SMIM7: variants seen among roughly 807,000 people sequenced by gnomAD.
SMIM7 encodes the protein UPF0608 protein C19orf42.
Under a neutral mutation model 13.3 loss-of-function variants are expected in SMIM7, and 12 were observed. That is an observed-to-expected ratio of 0.90 (90% CI 0.58 to 1.46). The LOEUF is 1.46. SMIM7 is among the 40% of genes most tolerant of loss of function. The pLI, the probability that SMIM7 is intolerant of heterozygous loss-of-function variation, is 0.00. For missense variants in SMIM7, 114 were observed against 94.8 expected (o/e 1.20, Z -0.84); for synonymous variants, 36 against 35.8 (o/e 1.01, Z -0.02).
intron 4 of SMIM7, among the ~76,000 whole-genome samples, chr19:16,649,726 A>C (rs564354185): frequency 4.6e-4 from 70 of 152,310 alleles, no homozygotes; most frequent in African/African-American, 1.6e-3. Flanking sequence ...CAAACATTTC[A>C]ACTGTCCACC....
chr19:16,636,723 G>A (rs1196666031), intron 4 of SMIM7, among the ~76,000 whole-genome samples: 1 of 152,166 alleles, frequency 6.6e-6, no homozygotes, highest in African/African-American at 2.4e-5. Flanking sequence ...AGGCTGAGGT[G>A]GGAGGACTGC....
chr19:16,634,636 G>A (rs1323975525), intron 4 of SMIM7: 1 of 151,936 alleles, frequency 6.6e-6, no homozygotes, highest in African/African-American at 2.4e-5. Flanking sequence ...AAATTAGGGA[G>A]GTGTGGTGGT....
chr19:16,633,747 T>G (rs1445992341), intron 4 of SMIM7: 1 of 152,096 alleles, frequency 6.6e-6, no homozygotes, highest in Non-Finnish European at 1.5e-5. Context: ...AAGCCACTAT[T>G]GATGGAGAAA....
chr19:16,659,862 T>C, intron 2 of SMIM7, 97 bp downstream of exon 2: 8 of 1,485,590 alleles, frequency 5.4e-6, no homozygotes, highest in Non-Finnish European at 7.2e-6. Context: ...GCCTGCGGCT[T>C]GGGGGCGGGG....
At chr19:16,650,015 T>C (rs970753821) in intron 4 of SMIM7, among the ~76,000 whole-genome samples, 1 of 152,154 alleles carries the variant, frequency 6.6e-6, no homozygotes, top group African/African-American at 2.4e-5. Context: ...TTTCTTTCTG[T>C]GTTGATGAAA....
At chr19:16,639,292 T>C (rs527719785) in intron 4 of SMIM7, among the ~76,000 whole-genome samples, 1 of 151,912 alleles carries the variant, frequency 6.6e-6, no homozygotes, top group South Asian at 2.1e-4. Context: ...CCGGCTAATT[T>C]TTTGTATTTT....
At chr19:16,639,163 C>G (rs1475612613) in intron 4 of SMIM7, among the ~76,000 whole-genome samples, 1 of 150,572 alleles carries the variant, frequency 6.6e-6, no homozygotes, top group African/African-American at 2.5e-5. Flanking sequence ...GCTCTGTCGC[C>G]CAGGCTGGAG....
chr19:16,659,795 G>C (rs1476622235), intron 2 of SMIM7, 164 bp downstream of exon 2: 5 of 874,046 alleles, frequency 5.7e-6, no homozygotes, highest in African/African-American at 1.7e-5. Flanking sequence ...CTCGGGGGGT[G>C]GGGGGCGAGG....
Position 16,633,254 on chromosome 19 carries a change from C to T in SMIM7, c.*138-1530G>A, listed in dbSNP as rs185461680. Among the ~76,000 whole-genome samples the T allele has an allele frequency of 4.6e-5, 7 of 151,620 alleles. No individual in the cohort carries two copies. In the East Asian group the frequency reaches 5.9e-4, roughly 13 times the overall value. The stretch of plus-strand genomic sequence containing the variant: ...GATGGATCACCTGAGGTCAGGAGTT[C>T]GAGACCAGCCTGGCTAACATGATGA... On this transcript the variant is annotated intron_variant and NMD_transcript_variant, in intron 4 of 4. Transcript: ENST00000465250.
intron 4 of SMIM7, chr19:16,653,685 G>T: frequency 4.0e-6 from 1 of 247,420 alleles, no homozygotes; most frequent in Non-Finnish European, 7.7e-6. Context: ...CACAAGGTCA[G>T]GAGATCAAGA....
chr19:16,652,085 G>A (rs952715094), intron 4 of SMIM7, among the ~76,000 whole-genome samples: 4 of 143,496 alleles, frequency 2.8e-5, no homozygotes, highest in Non-Finnish European at 6.1e-5. Flanking sequence ...ACGAGAATGA[G>A]GGAAGAATGC....
intron 4 of SMIM7, among the ~76,000 whole-genome samples, chr19:16,649,472 C>T (rs2086491510): frequency 2.0e-5 from 3 of 152,052 alleles, no homozygotes; most frequent in Admixed American, 6.6e-5. Context: ...ACTCAGGAGG[C>T]TGAGGCAGGA....
intron 4 of SMIM7, among the ~76,000 whole-genome samples, chr19:16,637,581 C>G (rs2086368837): frequency 6.6e-6 from 1 of 152,206 alleles, no homozygotes; most frequent in South Asian, 2.1e-4. Flanking sequence ...AAAAACACCC[C>G]CAAGGGATTT....
At chr19:16,639,344 G>A (rs182972219) in intron 4 of SMIM7, among the ~76,000 whole-genome samples, 4 of 151,910 alleles carry the variant, frequency 2.6e-5, no homozygotes, top group Non-Finnish European at 4.4e-5. Context: ...GGATGGTCTC[G>A]ATCTCCTGAC....
In SMIM7 at chr19:16,659,859, G is replaced by A. The variant is rs1170326346; in HGVS notation, c.68+100C>T. 1.4e-5 allele frequency: 21 copies of A among 1,486,724 alleles called. No individual in the cohort carries two copies. In the Admixed American group the frequency reaches 4.1e-4, roughly 29 times the overall value. The allele number at this position is 1,486,724 out of a possible 1,614,324, so 92.1% of individuals were successfully genotyped here. A position where few individuals can be genotyped will look rare whatever the true frequency, so the allele number is the denominator to read the frequency against. ...GAGGGCGGATAGGGCGGGGCCTGCGGCTTGGGGGCGGGGCCTGAGAAGTGC... is the reference window on the plus strand; with the variant it reads ...GAGGGCGGATAGGGCGGGGCCTGCGACTTGGGGGCGGGGCCTGAGAAGTGC... On this transcript the variant is annotated intron_variant, in intron 2 of 4. Coordinates refer to ENST00000487416, the MANE Select transcript of SMIM7 (RefSeq NM_024104.4).
chr19:16,654,359 G>A (rs940049259), intron 3 of SMIM7, among the ~76,000 whole-genome samples: 1 of 152,070 alleles, frequency 6.6e-6, no homozygotes, highest in Non-Finnish European at 1.5e-5. Context: ...GCTCAAGAAG[G>A]GGCATGTGAC....
rs571019127 is a variant in SMIM7 at position 16,650,709 on chromosome 19, C to CAAA, written c.212+3323_212+3325dup. On this transcript the variant is annotated intron_variant, in intron 4 of 4. Transcript: ENST00000487416. Reference sequence around the variant, plus strand: ...TGGGTGACAGAGCAAGACTCCACCTCAAAAAAAAAAAAAAAAAGAAGAAAT... The same window carrying CAAA: ...TGGGTGACAGAGCAAGACTCCACCTCAAAAAAAAAAAAAAAAAAAAGAAGAAAT... 8.1e-5 allele frequency among the ~76,000 whole-genome samples: 8 copies of CAAA among 98,182 alleles called. No individual in the cohort carries two copies. In the South Asian group the frequency reaches 1.0e-3, roughly 12 times the overall value. 64.4% of individuals were successfully genotyped at this position (98,182 alleles called of 152,430 possible). A position where few individuals can be genotyped will look rare whatever the true frequency, so the allele number is the denominator to read the frequency against.
At chr19:16,641,103 T>C (rs1356906478), downstream of SMIM7, 1 of 152,110 alleles carries the variant, frequency 6.6e-6, no homozygotes, top group Non-Finnish European at 1.5e-5. Context: ...AGGGACACCT[T>C]GGGATTCTCC....
rs554958446 is a variant in SMIM7 at position 16,659,274 on chromosome 19, C to T, written c.121+121G>A. Reference sequence around the variant, plus strand: ...CTCCAACCTGGACAACAGAGCAAGACCTTGTGTCAAAAAAAAAAAAAAAAA... The same window carrying T: ...CTCCAACCTGGACAACAGAGCAAGATCTTGTGTCAAAAAAAAAAAAAAAAA... On this transcript the variant is annotated intron_variant, in intron 3 of 4. Coordinates refer to ENST00000487416, the MANE Select transcript of SMIM7 (RefSeq NM_024104.4). 3.3e-6 allele frequency: 3 copies of T among 895,816 alleles called. No individual in the cohort carries two copies. In the East Asian group the frequency reaches 8.1e-5, roughly 24 times the overall value. 55.5% of individuals were successfully genotyped at this position (895,816 alleles called of 1,614,324 possible).
Sources: gnomAD v4.1 joint callset for allele counts (sites outside exome capture counted in the v4.1 genomes callset) on GRCh38, gnomAD v4.1.1 for gene constraint, MANE v1.5 for transcripts, NCBI Gene and HGNC (gene_info 2026-07-23, HGNC 2026-07-21) for gene names.